Variants in COL28A1 observed in about 807,000 individuals in gnomAD.
COL28A1 encodes the protein collagen alpha-1(XXVIII) chain.
Under a neutral mutation model 150.2 loss-of-function variants are expected in COL28A1, and 161 were observed. That is an observed-to-expected ratio of 1.07 (90% CI 0.94 to 1.22). The LOEUF (loss-of-function observed/expected upper bound fraction) is 1.22. Ranked by LOEUF, COL28A1 falls within the 50% of genes most tolerant of loss-of-function variation. COL28A1 has a pLI of 0.00. For missense variants in COL28A1, 1,617 were observed against 1,388.3 expected (o/e 1.16, Z -2.62); for synonymous variants, 552 against 469.7 (o/e 1.18, Z -2.26).
At chr7:7,517,413 G>A (rs560949774) in intron 7 of COL28A1, among the ~76,000 whole-genome samples, 1 of 152,226 alleles carries the variant, frequency 6.6e-6, no homozygotes, top group Non-Finnish European at 1.5e-5. Context: ...TATTATGTCT[G>A]CAGAATTGGA....
intron 22 of COL28A1, 27 bp from the exon 23 acceptor site, chr7:7,436,490 G>A (rs1192224652): frequency 1.1e-5 from 12 of 1,047,398 alleles, no homozygotes; most frequent in African/African-American, 1.6e-5. Flanking sequence ...ACATTTCACA[G>A]GCTACAGTTG....
chr7:7,436,656 T>C (rs1453850540), intron 22 of COL28A1, among the ~76,000 whole-genome samples, 193 bp from the exon 23 acceptor site: 2 of 152,236 alleles, frequency 1.3e-5, no homozygotes, highest in Non-Finnish European at 2.9e-5. Flanking sequence ...GTAAAGACTA[T>C]TACTGCTGTT....
intron 18 of COL28A1, 139 bp from the exon 19 acceptor site, chr7:7,444,628 T>C (rs2128323508): frequency 2.5e-6 from 2 of 788,644 alleles, no homozygotes; most frequent in Non-Finnish European, 3.9e-6. Context: ...TATTTGATCT[T>C]GGGAAGCTAC....
At chr7:7,382,576 AT>A (rs996170735) in intron 27 of COL28A1, among the ~76,000 whole-genome samples, 1 of 152,164 alleles carries the variant, frequency 6.6e-6, no homozygotes, top group African/African-American at 2.4e-5. Flanking sequence ...ACTAGCAAGT[AT>A]ACAAAGTCAT....
chr7:7,528,732 A>G (rs1204793577), intron 3 of COL28A1, among the ~76,000 whole-genome samples: 6 of 152,170 alleles, frequency 3.9e-5, no homozygotes, highest in Non-Finnish European at 1.5e-5. Flanking sequence ...GCTCAGGAGC[A>G]AATGGGGTCT....
chr7:7,481,782 G>A (rs145395935), intron 13 of COL28A1, among the ~76,000 whole-genome samples: 42 of 152,226 alleles, frequency 2.8e-4, no homozygotes, highest in African/African-American at 1.0e-3. Context: ...AAGCATTAGA[G>A]ATAAATATGC....
intron 27 of COL28A1, among the ~76,000 whole-genome samples, chr7:7,385,320 A>C (rs905580539): frequency 6.6e-6 from 1 of 152,190 alleles, no homozygotes; most frequent in Non-Finnish European, 1.5e-5. Flanking sequence ...TAGGGGGTAC[A>C]GTTGGCCAGG....
chr7:7,440,041 C>G (rs4035104), intron 21 of COL28A1, among the ~76,000 whole-genome samples: 149,967 of 152,326 alleles, frequency 0.98, 73,829 homozygotes, highest in East Asian at 1. Flanking sequence ...AACTCTCTTA[C>G]GTTTGCAGTT....
At chr7:7,417,093 A>G (rs1437366449) in intron 27 of COL28A1, among the ~76,000 whole-genome samples, 1 of 152,096 alleles carries the variant, frequency 6.6e-6, no homozygotes, top group Non-Finnish European at 1.5e-5. Context: ...TAAGAACAAC[A>G]TCATCAACAT....
intron 16 of COL28A1, among the ~76,000 whole-genome samples, chr7:7,454,137 A>G (rs1451689014): frequency 6.6e-6 from 1 of 152,212 alleles, no homozygotes; most frequent in Admixed American, 6.5e-5. Flanking sequence ...TTTTCACTCT[A>G]TTTGTAAAAG....
chr7:7,533,757 CAACT>C (rs771363935), intron 1 of COL28A1, among the ~76,000 whole-genome samples: 5 of 152,098 alleles, frequency 3.3e-5, no homozygotes, highest in Non-Finnish European at 7.4e-5. Context: ...AGCTACACAC[CAACT>C]GACTCTTAAA....
intron 27 of COL28A1, among the ~76,000 whole-genome samples, chr7:7,415,485 T>C (rs1456963285): frequency 1.3e-5 from 2 of 152,332 alleles, no homozygotes; most frequent in Non-Finnish European, 2.9e-5. Flanking sequence ...TCTGCCCTGC[T>C]ACCAACTGGA....
intron 2 of COL28A1, 97 bp from the exon 3 acceptor site, chr7:7,532,001 G>A (rs1168948087): frequency 1.4e-6 from 1 of 693,240 alleles, no homozygotes; most frequent in East Asian, 2.7e-5. Context: ...TATATTGTTT[G>A]GTGTTGAGAG....
At chr7:7,338,263 C>A in the COL28A1 span, among the ~76,000 whole-genome samples, 9 of 151,538 alleles carry the variant, frequency 5.9e-5, no homozygotes, top group African/African-American at 2.2e-4. Context: ...AGTTTGGCGG[C>A]AATCTGTAGA....
chr7:7,402,029 C>G (rs1783236197), intron 27 of COL28A1, among the ~76,000 whole-genome samples: 1 of 152,202 alleles, frequency 6.6e-6, no homozygotes, highest in African/African-American at 2.4e-5. Flanking sequence ...AATAACAATG[C>G]TCATAAGGGA....
At chr7:7,408,956 C>T (rs1783636087) in intron 27 of COL28A1, among the ~76,000 whole-genome samples, 1 of 152,118 alleles carries the variant, frequency 6.6e-6, no homozygotes, top group Non-Finnish European at 1.5e-5. Context: ...CGCATGATTA[C>T]TTCAAGTAGG....
At chr7:7,448,558 T>C (rs1036385072) in intron 18 of COL28A1, among the ~76,000 whole-genome samples, 1 of 151,706 alleles carries the variant, frequency 6.6e-6, no homozygotes, top group Admixed American at 6.6e-5. Context: ...TCTAGGTGTT[T>C]ACCCAAGAAA....
chr7:7,417,775 G>T, intron 27 of COL28A1, 84 bp downstream of exon 27: 1 of 1,089,146 alleles, frequency 9.2e-7, no homozygotes, highest in Non-Finnish European at 1.4e-6. Flanking sequence ...TTTCATAATA[G>T]CCATTTTTGC....
At chr7:7,498,049 AAAAAT>A (rs1780316757) in intron 11 of COL28A1, among the ~76,000 whole-genome samples, 1 of 152,214 alleles carries the variant, frequency 6.6e-6, no homozygotes, top group African/African-American at 2.4e-5. Flanking sequence ...AGAATATAAT[AAAAAT>A]TATATTGAAC....
Sources: gnomAD v4.1 joint callset for allele counts (sites outside exome capture counted in the v4.1 genomes callset) on GRCh38, gnomAD v4.1.1 for gene constraint, MANE v1.5 for transcripts, NCBI Gene and HGNC (gene_info 2026-07-23, HGNC 2026-07-21) for gene names.